The following YWHAE variants were observed in gnomAD, a reference collection of about 807,000 sequenced individuals.
YWHAE encodes the protein tyrosine 3-monooxygenase/tryptophan 5-monooxygenase activation protein epsilon.
Under a neutral mutation model 30.1 loss-of-function variants are expected in YWHAE, and 4 were observed. The observed-to-expected ratio is 0.13, with a 90% CI of 0.07 to 0.30. The LOEUF (loss-of-function observed/expected upper bound fraction) is 0.30. Ranked by LOEUF, YWHAE falls within the 10% of genes least tolerant of loss-of-function variation. YWHAE has a pLI of 1.00. For synonymous variants in YWHAE, 118 were observed against 111.8 expected (o/e 1.06, Z -0.35); for missense variants, 121 against 315.9 (o/e 0.38, Z 4.68).
intron 4 of YWHAE, among the ~76,000 whole-genome samples, chr17:1,358,744 C>T (rs953763931): frequency 2.7e-5 from 4 of 150,488 alleles, no homozygotes; most frequent in Non-Finnish European, 5.9e-5. Flanking sequence ...GCACCAGAAT[C>T]GCTTGAATCT....
intron 4 of YWHAE, among the ~76,000 whole-genome samples, chr17:1,356,171 AACACACACACACAC>A (rs71148473): frequency 0.08 from 11,471 of 143,046 alleles, 1,250 homozygotes; most frequent in African/African-American, 0.25. Context: ...TCCGTCTAAA[AACACACACACACAC>A]ACACACACAC....
chr17:1,364,574 C>T (rs542897847), intron 2 of YWHAE, among the ~76,000 whole-genome samples: 2 of 152,190 alleles, frequency 1.3e-5, no homozygotes, highest in South Asian at 4.1e-4. Context: ...CTTGAAAATA[C>T]AATAGTTCCC....
chr17:1,366,106 C>T (rs1192197036), intron 1 of YWHAE, among the ~76,000 whole-genome samples: 1 of 151,578 alleles, frequency 6.6e-6, no homozygotes, highest in African/African-American at 2.4e-5. Flanking sequence ...GTCCCAGGTA[C>T]TCTAGAGACT....
chr17:1,388,978 C>T (rs2073349618), intron 1 of YWHAE, among the ~76,000 whole-genome samples: 1 of 152,110 alleles, frequency 6.6e-6, no homozygotes, highest in Non-Finnish European at 1.5e-5. Flanking sequence ...TTCTCCTTTC[C>T]TTTTTGAGAC....
At chr17:1,359,327 A>G (rs2072814911) in intron 4 of YWHAE, among the ~76,000 whole-genome samples, 1 of 152,112 alleles carries the variant, frequency 6.6e-6, no homozygotes, top group South Asian at 2.1e-4. Context: ...AGTTACCCAC[A>G]GAATTTTCAG....
At chr17:1,375,869 C>T (rs1027322796) in intron 1 of YWHAE, among the ~76,000 whole-genome samples, 3 of 152,170 alleles carry the variant, frequency 2.0e-5, no homozygotes, top group African/African-American at 7.2e-5. Context: ...ATTCAACAGA[C>T]TAATTCATAA....
chr17:1,385,795 G>A (rs934628071), intron 1 of YWHAE, among the ~76,000 whole-genome samples: 1 of 152,044 alleles, frequency 6.6e-6, no homozygotes, highest in Admixed American at 6.6e-5. Flanking sequence ...ACACTATTCA[G>A]AGAGAAGCTG....
intron 1 of YWHAE, among the ~76,000 whole-genome samples, chr17:1,369,419 G>A (rs374977500): frequency 1.1e-4 from 16 of 152,260 alleles, no homozygotes; most frequent in African/African-American, 2.9e-4. Flanking sequence ...GCTTGAACCC[G>A]GGAGGCGGAG....
chr17:1,391,637 G>A (rs1485739185), intron 1 of YWHAE, among the ~76,000 whole-genome samples: 2 of 152,098 alleles, frequency 1.3e-5, no homozygotes, highest in Non-Finnish European at 2.9e-5. Flanking sequence ...GAACCATGAG[G>A]TTCTGTTGGC....
rs141844296 is a variant in YWHAE at position 1,392,434 on chromosome 17, T to G, written c.64+7613A>C. On this transcript the variant is annotated intron_variant, in intron 1 of 5. Coordinates refer to ENST00000264335, the MANE Select transcript of YWHAE (RefSeq NM_006761.5). The stretch of plus-strand genomic sequence containing the variant: ...CTGACCATTTCAAAAATAGTGAAAA[T>G]AGCCATTTTTCTTGCTGCTCTTTCC... Among the ~76,000 whole-genome samples, 254 of 152,256 alleles carry G rather than the reference T, an allele frequency of 1.7e-3. 1 individual carries two copies. The highest frequency in any genetic ancestry group is 5.8e-3 in the African/African-American group (239 of 41,548).
At position 1,344,702 on chromosome 17, in the gene YWHAE, CGAA is replaced by C. The variant is rs2072487577; in HGVS notation, c.*742_*744del. On this transcript the variant is annotated 3_prime_UTR_variant, in exon 6 of 6. Coordinates refer to ENST00000264335, the MANE Select transcript of YWHAE (RefSeq NM_006761.5). The stretch of plus-strand genomic sequence containing the variant: ...TACTGAACAAAAGAGGTTGAGCGAG[CGAA>C]GGAGGGGAGGAGTGAGGGGAAGGAG... The C allele has an allele frequency of 9.0e-6, 2 of 222,924 alleles. No homozygotes were observed. Among genetic ancestry groups the C allele is most frequent in the South Asian group, 1.9e-4 (1 of 5,304 alleles). The allele number at this position is 222,924 out of a possible 1,614,324, so 13.8% of individuals were successfully genotyped here.
At chr17:1,390,531 CTTTACAG>C (rs1014050684) in intron 1 of YWHAE, among the ~76,000 whole-genome samples, 8 of 152,186 alleles carry the variant, frequency 5.3e-5, no homozygotes, top group African/African-American at 1.4e-4. Context: ...AAGTATTACA[CTTTACAG>C]TTTACAAAAG....
intron 1 of YWHAE, among the ~76,000 whole-genome samples, chr17:1,383,944 G>A (rs894077445): frequency 2.6e-5 from 4 of 152,000 alleles, no homozygotes; most frequent in East Asian, 2.0e-4. Flanking sequence ...AGTGGCTCAC[G>A]CCTGTAATTC....
In YWHAE at chr17:1,360,174, T is replaced by C. The variant is rs146736985; in HGVS notation, c.578+918A>G. Among the ~76,000 whole-genome samples the C allele has an allele frequency of 1.0e-3, 152 of 152,104 alleles. 2 individuals carry two copies. Among genetic ancestry groups the C allele is most frequent in the African/African-American group, 3.4e-3 (142 of 41,512 alleles). ...ACAGAGTTTCACCATGTTGGTCAGG[T>C]TGGTATCGAACTCCTGATCTCAGGT... is the stretch of plus-strand genomic sequence containing the variant. On this transcript the variant is annotated intron_variant, in intron 4 of 5. Coordinates refer to ENST00000264335, the MANE Select transcript of YWHAE (RefSeq NM_006761.5).
intron 4 of YWHAE, among the ~76,000 whole-genome samples, chr17:1,358,919 G>A (rs1028237684): frequency 5.3e-5 from 8 of 150,620 alleles, no homozygotes; most frequent in African/African-American, 1.7e-4. Context: ...CAGATCACAC[G>A]AGGTCAGGAG....
chr17:1,357,392 G>A (rs1267889841), intron 4 of YWHAE, among the ~76,000 whole-genome samples: 4 of 105,168 alleles, frequency 3.8e-5, no homozygotes, highest in Non-Finnish European at 7.1e-5. Flanking sequence ...GACATAGCGA[G>A]ACTCCGTCTC....
chr17:1,374,979 G>A (rs1359986140), intron 1 of YWHAE, among the ~76,000 whole-genome samples: 1 of 152,032 alleles, frequency 6.6e-6, no homozygotes, highest in African/African-American at 2.4e-5. Context: ...CTATTCACAG[G>A]CCCATGATCA....
intron 1 of YWHAE, among the ~76,000 whole-genome samples, chr17:1,382,343 C>A (rs559367573): frequency 2.3e-5 from 3 of 127,948 alleles, no homozygotes; most frequent in East Asian, 4.8e-4. Context: ...CCACCGCGCC[C>A]GGCCTTTTTT....
chr17:1,382,640 G>A (rs980315800), intron 1 of YWHAE, among the ~76,000 whole-genome samples: 16 of 150,896 alleles, frequency 1.1e-4, no homozygotes, highest in African/African-American at 3.9e-4. Flanking sequence ...GATTACAGGC[G>A]TGAGCCACCA....
Sources: gnomAD v4.1 joint callset for allele counts (sites outside exome capture counted in the v4.1 genomes callset) on GRCh38, gnomAD v4.1.1 for gene constraint, MANE v1.5 for transcripts, NCBI Gene and HGNC (gene_info 2026-07-23, HGNC 2026-07-21) for gene names.